RPAP3: variants seen among roughly 807,000 people sequenced by gnomAD.
RPAP3 encodes the protein RNA polymerase II associated protein 3, also known as RNA polymerase II-associated protein 3.
In RPAP3, 58 loss-of-function variants were observed where a neutral mutation model predicts 88.8. That is an observed-to-expected ratio of 0.65 (90% confidence interval 0.53 to 0.81). RPAP3 has a LOEUF of 0.81. Ranked by LOEUF, RPAP3 falls within the 40% of genes least tolerant of loss-of-function variation. The probability of loss-of-function intolerance (pLI) is 0.00; values close to 1 mark genes in which losing one functional copy is unlikely to be tolerated. For synonymous variants in RPAP3, 255 were observed against 259.9 expected (o/e 0.98, Z 0.18); for missense variants, 751 against 764.3 (o/e 0.98, Z 0.20).
chr12:47,683,114 G>T (rs1939257016), intron 9 of RPAP3, among the ~76,000 whole-genome samples: 1 of 152,042 alleles, frequency 6.6e-6, no homozygotes, highest in Admixed American at 6.6e-5. Flanking sequence ...CCTGTTTCCT[G>T]TTTTTTCACC....
chr12:47,687,789 G>C, intron 8 of RPAP3, 87 bp downstream of exon 8: 1 of 1,424,452 alleles, frequency 7.0e-7, no homozygotes. Context: ...TTTAATATTA[G>C]AGAAGAAAGA....
In RPAP3 at chr12:47,679,832, C is replaced by T. The variant is rs965597186; in HGVS notation, c.1115-58G>A. 141 of 1,187,036 alleles carry T rather than the reference C, an allele frequency of 1.2e-4. No individual in the cohort carries two copies. The East Asian group carries it at 2.4e-3, about 20-fold the overall frequency. The allele number at this position is 1,187,036 out of a possible 1,614,324, so 73.5% of individuals were successfully genotyped here. On this transcript the variant is annotated intron_variant, in intron 10 of 16. Transcript: ENST00000005386. ...AGTTAAAATGTGGAGTTTTCATATT[C>T]GCATGTATATTCATGATATATTCAG...
intron 5 of RPAP3, among the ~76,000 whole-genome samples, chr12:47,691,331 A>G (rs1226470454): frequency 6.6e-6 from 1 of 152,190 alleles, no homozygotes; most frequent in Non-Finnish European, 1.5e-5. Context: ...TCAAGTTTGA[A>G]TACAAGATTG....
In RPAP3 at chr12:47,679,862, T is replaced by C. The variant is rs1939188970; in HGVS notation, c.1115-88A>G. On this transcript the variant is annotated intron_variant, in intron 10 of 16. Coordinates refer to ENST00000005386, the MANE Select transcript of RPAP3 (RefSeq NM_024604.3). ...GTATATTCATGATATATTCAGTTAG[T>C]AATCACATTTTTAGCTCAAGCAGTT... 4.4e-6 allele frequency: 4 copies of C among 918,396 alleles called. No individual in the cohort carries two copies. The South Asian group carries it at 6.5e-5, about 15-fold the overall frequency. 56.9% of individuals were successfully genotyped at this position (918,396 alleles called of 1,614,324 possible).
chr12:47,679,122 C>T (rs1235931181), intron 12 of RPAP3, among the ~76,000 whole-genome samples: 2 of 152,170 alleles, frequency 1.3e-5, no homozygotes, highest in Non-Finnish European at 2.9e-5. Context: ...AGCTGGAAAC[C>T]ATCATTCTCA....
At chr12:47,669,987 TAA>T in intron 13 of RPAP3, 118 bp downstream of exon 13, 1 of 638,222 alleles carries the variant, frequency 1.6e-6, no homozygotes, top group Non-Finnish European at 2.7e-6. Flanking sequence ...GCTAGAAACT[TAA>T]GTTAGGCAGT....
rs777673843 is a variant in RPAP3 at position 47,701,494 on chromosome 12, A to G, written c.264T>C (p.Tyr88=). 7 of 1,593,410 alleles carry G rather than the reference A, an allele frequency of 4.4e-6. No individual in the cohort carries two copies. Among genetic ancestry groups the G allele is most frequent in the South Asian group, 2.3e-5 (2 of 86,046 alleles). ...CAAGTTTTGCCCATGCCTCATAATC[A>G]TAAGATTTTATCCTGTTTTTTGTGT... The part of the protein sequence containing the change: ...EENTKNRIKS[Y]DYEAWAKLDV... Residue 88 remains tyrosine, a synonymous_variant, in exon 3 of 17, where the codon TAT becomes TAC. Transcript: ENST00000005386.
At chr12:47,699,981 T>G (rs953763285) in intron 3 of RPAP3, 2 of 149,386 alleles carry the variant, frequency 1.3e-5, no homozygotes, top group African/African-American at 5.0e-5. Context: ...TCTGCGAGGC[T>G]GGAAATGTTC....
intron 9 of RPAP3, among the ~76,000 whole-genome samples, chr12:47,683,257 G>A (rs1939260443): frequency 6.6e-6 from 1 of 152,110 alleles, no homozygotes; most frequent in Admixed American, 6.6e-5. Flanking sequence ...CTATCTTAGC[G>A]TATTTTCACA....
chr12:47,685,335 C>T (rs1049538119), intron 9 of RPAP3, among the ~76,000 whole-genome samples: 3 of 150,128 alleles, frequency 2.0e-5, no homozygotes, highest in African/African-American at 7.4e-5. Context: ...GCCAAAATTA[C>T]ACCACTGCAC....
At chr12:47,691,382 C>A (rs983568757) in intron 5 of RPAP3, among the ~76,000 whole-genome samples, 4 of 152,118 alleles carry the variant, frequency 2.6e-5, no homozygotes, top group African/African-American at 9.7e-5. Context: ...AATCTTGAAC[C>A]CCTCAAAGTC....
At chr12:47,685,634 A>C (rs1939307968) in intron 9 of RPAP3, among the ~76,000 whole-genome samples, 1 of 152,328 alleles carries the variant, frequency 6.6e-6, no homozygotes, top group Non-Finnish European at 1.5e-5. Flanking sequence ...CTAATCATCT[A>C]CGTTGCTTCA....
chr12:47,693,445 G>A (rs373209116), intron 5 of RPAP3, among the ~76,000 whole-genome samples: 2 of 152,168 alleles, frequency 1.3e-5, no homozygotes, highest in South Asian at 4.1e-4. Flanking sequence ...GTGACATAGA[G>A]ACACAAAGTA....
chr12:47,703,474 C>T (rs1939698690), intron 1 of RPAP3, among the ~76,000 whole-genome samples: 1 of 152,154 alleles, frequency 6.6e-6, no homozygotes, highest in African/African-American at 2.4e-5. Flanking sequence ...AACGAAGAAT[C>T]CCAGACACTG....
chr12:47,698,848 AATT>A (rs1565723613), intron 3 of RPAP3, among the ~76,000 whole-genome samples: 1 of 152,258 alleles, frequency 6.6e-6, no homozygotes, highest in Non-Finnish European at 1.5e-5. Context: ...TACAAACTTT[AATT>A]ATTATGTAAA....
chr12:47,670,059 G>C (rs771161381), intron 13 of RPAP3, 48 bp downstream of exon 13: 1 of 1,209,882 alleles, frequency 8.3e-7, no homozygotes, highest in Non-Finnish European at 1.2e-6. Context: ...TTCTCCATTG[G>C]AATTAACCCA....
At chr12:47,675,315 GATGCT>G (rs1939089488) in intron 12 of RPAP3, among the ~76,000 whole-genome samples, 1 of 152,180 alleles carries the variant, frequency 6.6e-6, no homozygotes, top group Non-Finnish European at 1.5e-5. Flanking sequence ...AAAGACCATT[GATGCT>G]AGGAAGAAAC....
chr12:47,681,413 G>A (rs189965011), intron 10 of RPAP3, among the ~76,000 whole-genome samples: 4 of 152,106 alleles, frequency 2.6e-5, no homozygotes, highest in Admixed American at 6.5e-5. Flanking sequence ...TCTTTTTATC[G>A]TTTTCCATTC....
rs531527656 is a variant in RPAP3 at position 47,662,723 on chromosome 12, G to A, written c.*782C>T. ...AACTATGTGCAAACGTCTGTGCTAGGTACTATGCAGAGTACAGGGATGAGC... is the reference window on the plus strand; with the variant it reads ...AACTATGTGCAAACGTCTGTGCTAGATACTATGCAGAGTACAGGGATGAGC... On this transcript the variant is annotated 3_prime_UTR_variant, in exon 17 of 17. Coordinates refer to ENST00000005386, the MANE Select transcript of RPAP3 (RefSeq NM_024604.3). The A allele has an allele frequency of 4.6e-5, 7 of 152,174 alleles. No individual in the cohort carries two copies. The highest frequency in any genetic ancestry group is 7.3e-5 in the Non-Finnish European group (5 of 68,032). The allele number at this position is 152,174 out of a possible 1,614,324, so 9.4% of individuals were successfully genotyped here.
Sources: gnomAD v4.1 joint callset for allele counts (sites outside exome capture counted in the v4.1 genomes callset) on GRCh38, gnomAD v4.1.1 for gene constraint, MANE v1.5 for transcripts, NCBI Gene and HGNC (gene_info 2026-07-23, HGNC 2026-07-21) for gene names.